The following SLC13A1 variants were observed in gnomAD, a reference collection of about 807,000 sequenced individuals.
The protein encoded by SLC13A1 is solute carrier family 13 member 1.
A neutral mutation model predicts 70.0 loss-of-function variants in SLC13A1; 65 were observed. The ratio of observed to expected loss-of-function variants is 0.93; its 90% confidence interval spans 0.76 to 1.14. The LOEUF (loss-of-function observed/expected upper bound fraction) is 1.14. Among genes scored for constraint, SLC13A1 ranks in the 50% most tolerant of loss-of-function variants. The probability of loss-of-function intolerance (pLI) is 0.00; values close to 1 mark genes in which losing one functional copy is unlikely to be tolerated. For synonymous variants in SLC13A1, 275 were observed against 250.5 expected, an observed-to-expected ratio of 1.10 and a Z score of -0.92; for missense variants, 726 against 717.8, an observed-to-expected ratio of 1.01 and a Z score of -0.13.
intron 1 of SLC13A1, among the ~76,000 whole-genome samples, chr7:123,183,502 G>C (rs1223077172): frequency 6.6e-6 from 1 of 152,050 alleles, no homozygotes; most frequent in African/African-American, 2.4e-5. Context: ...TAAAATATCT[G>C]GTAGGAAAAA....
intron 6 of SLC13A1, among the ~76,000 whole-genome samples, chr7:123,149,997 C>G (rs1794498712): frequency 1.3e-5 from 2 of 152,088 alleles, no homozygotes; most frequent in Admixed American, 6.6e-5. Context: ...CCCAACCATT[C>G]TCTCTCTCCA....
chr7:123,190,810 A>T (rs538715127), intron 1 of SLC13A1, among the ~76,000 whole-genome samples: 1 of 152,314 alleles, frequency 6.6e-6, no homozygotes, highest in African/African-American at 2.4e-5. Flanking sequence ...AACATGACAC[A>T]TCTATTGAGG....
At chr7:123,186,761 A>G (rs1325490856) in intron 1 of SLC13A1, 1 of 455,758 alleles carries the variant, frequency 2.2e-6, no homozygotes, top group Non-Finnish European at 4.4e-6. Context: ...TGCAACCGTA[A>G]CAAGTAAACG....
intron 7 of SLC13A1, among the ~76,000 whole-genome samples, chr7:123,142,246 C>T (rs1006811060): frequency 2.0e-5 from 3 of 152,060 alleles, no homozygotes; most frequent in African/African-American, 4.8e-5. Context: ...GGGAGCATTG[C>T]CAAACTACCA....
At chr7:123,118,701 T>C (rs1793262510) in intron 13 of SLC13A1, among the ~76,000 whole-genome samples, 1 of 152,124 alleles carries the variant, frequency 6.6e-6, no homozygotes, top group African/African-American at 2.4e-5. Context: ...CTCAGAAATT[T>C]AGGAACAATG....
At chr7:123,149,182 T>C (rs1794468478) in intron 6 of SLC13A1, among the ~76,000 whole-genome samples, 2 of 152,126 alleles carry the variant, frequency 1.3e-5, no homozygotes, top group African/African-American at 4.8e-5. Flanking sequence ...AAAAATCCCT[T>C]CTGGAGGAAG....
chr7:123,179,707 T>C (rs1343450535), intron 2 of SLC13A1, among the ~76,000 whole-genome samples: 1 of 152,152 alleles, frequency 6.6e-6, no homozygotes, highest in Non-Finnish European at 1.5e-5. Flanking sequence ...GCTACAGAAA[T>C]GCCCCATGAG....
chr7:123,126,399 C>G (rs1474168511), intron 10 of SLC13A1, among the ~76,000 whole-genome samples: 1 of 152,058 alleles, frequency 6.6e-6, no homozygotes, highest in Non-Finnish European at 1.5e-5. Context: ...AAGACAGATT[C>G]CCAGAAGCCT....
chr7:123,162,842 C>T (rs946131736), intron 6 of SLC13A1, among the ~76,000 whole-genome samples: 3 of 152,072 alleles, frequency 2.0e-5, no homozygotes, highest in African/African-American at 7.2e-5. Flanking sequence ...CTAAACTAAA[C>T]AATACCTAAT....
At chr7:123,198,742 T>A (rs1796261685) in intron 1 of SLC13A1, among the ~76,000 whole-genome samples, 1 of 152,040 alleles carries the variant, frequency 6.6e-6, no homozygotes, top group Admixed American at 6.6e-5. Flanking sequence ...GATTCTATTA[T>A]AACCCAGACT....
At chr7:123,135,071 A>G (rs1793909578) in intron 7 of SLC13A1, among the ~76,000 whole-genome samples, 1 of 152,198 alleles carries the variant, frequency 6.6e-6, no homozygotes, top group Non-Finnish European at 1.5e-5. Context: ...TCTACCCCAA[A>G]GCACAGCAAC....
rs1354373904 is a variant in SLC13A1 at position 123,134,467 on chromosome 7, G to A, written c.875C>T (p.Ala292Val). Residue 292 changes from alanine to valine, a missense_variant, in exon 8 of 15, where the codon GCC becomes GTC. Transcript: ENST00000194130. ...CCAGGATAAGAGTAGAATGATAAGG[G>A]CAGCTGGGAAGGAAAACGTAAACCA... ...GSWFTFSFPAALIILLLSWIW... is the reference protein window; with the variant it reads ...GSWFTFSFPAVLIILLLSWIW... The A allele has an allele frequency of 5.6e-6, 9 of 1,613,244 alleles. No individual in the cohort carries two copies. Among genetic ancestry groups the A allele is most frequent in the African/African-American group, 2.7e-5 (2 of 75,010 alleles).
At chr7:123,146,544 C>T in intron 7 of SLC13A1, among the ~76,000 whole-genome samples, 1 of 152,112 alleles carries the variant, frequency 6.6e-6, no homozygotes, top group Non-Finnish European at 1.5e-5. Flanking sequence ...TAAAATAATT[C>T]ACAATGTAAG....
chr7:123,187,461 A>C (rs1795842330), intron 1 of SLC13A1, among the ~76,000 whole-genome samples: 1 of 152,204 alleles, frequency 6.6e-6, no homozygotes, highest in Non-Finnish European at 1.5e-5. Flanking sequence ...ACATTTGCTT[A>C]AATTATTTTT....
chr7:123,152,980 A>G (rs1794603166), intron 6 of SLC13A1, among the ~76,000 whole-genome samples: 1 of 152,140 alleles, frequency 6.6e-6, no homozygotes, highest in Non-Finnish European at 1.5e-5. Flanking sequence ...GCATAATTTG[A>G]ATATTATTAA....
intron 1 of SLC13A1, among the ~76,000 whole-genome samples, 198 bp from the exon 2 acceptor site, chr7:123,181,299 T>C (rs1164789771): frequency 6.6e-6 from 1 of 152,056 alleles, no homozygotes; most frequent in East Asian, 1.9e-4. Context: ...CATAAAAAAC[T>C]AAAGGGAGAA....
intron 2 of SLC13A1, among the ~76,000 whole-genome samples, chr7:123,174,677 G>T (rs891821766): frequency 2.6e-5 from 4 of 151,962 alleles, no homozygotes; most frequent in African/African-American, 9.7e-5. Flanking sequence ...TACTTCTTCA[G>T]TATAGTTTTT....
chr7:123,177,549 A>T (rs1362535343), intron 2 of SLC13A1, among the ~76,000 whole-genome samples: 2 of 152,148 alleles, frequency 1.3e-5, no homozygotes, highest in Non-Finnish European at 2.9e-5. Context: ...TCATTACATT[A>T]TGTACCTGAC....
At chr7:123,177,838 G>C (rs1795499817) in intron 2 of SLC13A1, among the ~76,000 whole-genome samples, 1 of 151,940 alleles carries the variant, frequency 6.6e-6, no homozygotes. Flanking sequence ...TCACTATACT[G>C]TATAATATTT....
Sources: allele counts gnomAD v4.1 joint callset (sites outside exome capture counted in the v4.1 genomes callset), GRCh38; gene constraint gnomAD v4.1.1; transcripts MANE v1.5; gene names NCBI Gene and HGNC (gene_info 2026-07-23, HGNC 2026-07-21).